MAP2: variants seen among roughly 807,000 people sequenced by gnomAD.
The protein encoded by MAP2 is microtubule-associated protein 2.
Under a neutral mutation model 137.6 loss-of-function variants are expected in MAP2, and 14 were observed. The ratio of observed to expected loss-of-function variants is 0.10; its 90% CI spans 0.07 to 0.16. The LOEUF is 0.16. Ranked by LOEUF, MAP2 falls within the 10% of genes least tolerant of loss-of-function variation. The pLI, the probability that MAP2 is intolerant of heterozygous loss-of-function variation, is 1.00. For synonymous variants in MAP2, 786 were observed against 782.3 expected (o/e 1.00, Z -0.08); for missense variants, 2,088 against 2,191.5 (o/e 0.95, Z 0.94).
intron 1 of MAP2, among the ~76,000 whole-genome samples, chr2:209,486,662 A>C (rs1290387728): frequency 6.6e-6 from 1 of 152,256 alleles, no homozygotes; most frequent in Non-Finnish European, 1.5e-5. Context: ...TTTAACCATC[A>C]TTTGTAATGT....
In MAP2 at chr2:209,564,583, AC is replaced by A. The variant is rs956152382; in HGVS notation, c.-171-15451del. Among the ~76,000 whole-genome samples, 8 of 143,584 alleles carry A rather than the reference AC, an allele frequency of 5.6e-5. 1 individual carries two copies. Among genetic ancestry groups the A allele is most frequent in the African/African-American group, 1.3e-4 (5 of 37,608 alleles). 94.2% of individuals were successfully genotyped at this position (143,584 alleles called of 152,430 possible). On this transcript the variant is annotated intron_variant, in intron 2 of 15. Coordinates refer to ENST00000682079, the MANE Select transcript of MAP2 (RefSeq NM_001375505.1). ...AAAAAAAAAAAAAAAAAAAAAAAAA[AC>A]CAAAAGCCAGGGGTAGCCACAACCT...
chr2:209,644,207 T>C (rs961031978), intron 4 of MAP2, among the ~76,000 whole-genome samples: 8 of 152,212 alleles, frequency 5.3e-5, no homozygotes, highest in Non-Finnish European at 1.2e-4. Flanking sequence ...TTTTAAAACA[T>C]TTTCTCCAAT....
Position 209,701,965 on chromosome 2 carries a change from T to G in MAP2, c.4584+1627T>G, listed in dbSNP as rs978384860. ...AAAATAAAGGGGAGGACAAAATTCCTGTCTCATGAGTTAGTTATAAAAATT... is the reference window on the plus strand; with the variant it reads ...AAAATAAAGGGGAGGACAAAATTCCGGTCTCATGAGTTAGTTATAAAAATT... On this transcript the variant is annotated intron_variant, in intron 11 of 15. Coordinates refer to ENST00000682079, the MANE Select transcript of MAP2 (RefSeq NM_001375505.1). Among the ~76,000 whole-genome samples, 2 of 152,118 alleles carry G rather than the reference T, an allele frequency of 1.3e-5. 1 individual carries two copies. Among genetic ancestry groups the G allele is most frequent in the South Asian group, 4.1e-4 (2 of 4,828 alleles).
chr2:209,554,629 A>C (rs901693757), intron 2 of MAP2, among the ~76,000 whole-genome samples: 6 of 152,192 alleles, frequency 3.9e-5, no homozygotes, highest in African/African-American at 4.8e-5. Flanking sequence ...CTCTACAAAA[A>C]TACAAAGCTA....
intron 1 of MAP2, among the ~76,000 whole-genome samples, chr2:209,500,053 T>G (rs1321866608): frequency 1.3e-5 from 2 of 152,152 alleles, no homozygotes; most frequent in African/African-American, 4.8e-5. Flanking sequence ...ATGGACACTG[T>G]CTCCACCTGA....
intron 13 of MAP2, among the ~76,000 whole-genome samples, chr2:209,723,070 G>A (rs902182614): frequency 1.3e-5 from 2 of 152,186 alleles, no homozygotes; most frequent in African/African-American, 2.4e-5. Context: ...AGATGAATGA[G>A]AACTCTGATG....
chr2:209,690,012 G>A (rs143964674), intron 7 of MAP2, among the ~76,000 whole-genome samples: 12 of 152,206 alleles, frequency 7.9e-5, no homozygotes, highest in African/African-American at 2.4e-4. Flanking sequence ...AGTAAATTTG[G>A]TGGACTTTGT....
chr2:209,481,713 T>G (rs1307989437), intron 1 of MAP2, among the ~76,000 whole-genome samples: 2 of 152,222 alleles, frequency 1.3e-5, no homozygotes, highest in East Asian at 1.9e-4. Flanking sequence ...TTAGGTCACT[T>G]AACTATGAAG....
At chr2:209,487,445 G>C (rs2058527643) in intron 1 of MAP2, among the ~76,000 whole-genome samples, 1 of 152,180 alleles carries the variant, frequency 6.6e-6, no homozygotes, top group South Asian at 2.1e-4. Context: ...TTTCCAAACT[G>C]GAGAAAATCT....
chr2:209,572,296 C>G (rs2074530784), intron 2 of MAP2, among the ~76,000 whole-genome samples: 1 of 152,014 alleles, frequency 6.6e-6, no homozygotes, highest in African/African-American at 2.4e-5. Context: ...GTGACTATGT[C>G]AAAGATGACC....
intron 6 of MAP2, among the ~76,000 whole-genome samples, chr2:209,680,203 C>T (rs1447972343): frequency 6.6e-6 from 1 of 152,074 alleles, no homozygotes; most frequent in Non-Finnish European, 1.5e-5. Flanking sequence ...TTTTCCATTT[C>T]TGAGAATACA....
At chr2:209,493,044 A>G (rs2150012871) in intron 1 of MAP2, among the ~76,000 whole-genome samples, 1 of 152,344 alleles carries the variant, frequency 6.6e-6, no homozygotes, top group Non-Finnish European at 1.5e-5. Flanking sequence ...ACAAGGCTAC[A>G]TTAACCAAAA....
intron 1 of MAP2, among the ~76,000 whole-genome samples, chr2:209,495,052 C>G (rs13025539): frequency 6.6e-6 from 1 of 152,176 alleles, no homozygotes; most frequent in African/African-American, 2.4e-5. Flanking sequence ...TAAAAGACAT[C>G]GGTAAACAAA....
intron 2 of MAP2, among the ~76,000 whole-genome samples, chr2:209,566,032 T>G (rs2073335315): frequency 6.6e-6 from 1 of 152,230 alleles, no homozygotes; most frequent in Admixed American, 6.5e-5. Context: ...TGTCTGTTTT[T>G]CATTCTCCCT....
intron 2 of MAP2, among the ~76,000 whole-genome samples, chr2:209,566,302 T>C (rs1352573653): frequency 6.6e-6 from 1 of 152,208 alleles, no homozygotes; most frequent in East Asian, 1.9e-4. Flanking sequence ...TGGTGAATAT[T>C]GACGCTGTTC....
chr2:209,471,449 T>A (rs1222020138), intron 1 of MAP2, among the ~76,000 whole-genome samples: 1 of 152,198 alleles, frequency 6.6e-6, no homozygotes, highest in Admixed American at 6.5e-5. Flanking sequence ...GCTATTGAAT[T>A]GTTAAATAAA....
chr2:209,693,553 A>T lies in MAP2; in HGVS notation c.1383A>T (p.Lys461Asn). Residue 461 changes from lysine (K) to asparagine (N), a missense_variant, in exon 8 of 16, where the codon AAA becomes AAT. Physicochemically the swap from Lys to Asn is moderately conservative, Grantham distance 94. Coordinates refer to ENST00000682079, the MANE Select transcript of MAP2 (RefSeq NM_001375505.1). ...SDKEAVPKES[K>N]PPKPADEEIG... ...AAGAAGCTGTGCCAAAAGAGAGTAA[A>T]CCCCCAAAACCTGCAGATGAAGAAA... 9 of 1,611,648 alleles carry T rather than the reference A, an allele frequency of 5.6e-6. No homozygotes were observed. The highest frequency in any genetic ancestry group is 7.6e-6 in the Non-Finnish European group (9 of 1,179,506).
chr2:209,678,490 C>T (rs2052992521), intron 5 of MAP2, 82 bp from the exon 6 acceptor site: 6 of 610,256 alleles, frequency 9.8e-6, no homozygotes, highest in East Asian at 3.0e-5. Context: ...AATTATAATC[C>T]ACTATACTGT....
chr2:209,587,863 A>G (rs2078165720), intron 3 of MAP2, among the ~76,000 whole-genome samples: 1 of 152,162 alleles, frequency 6.6e-6, no homozygotes, highest in South Asian at 2.1e-4. Context: ...TTGTATACTT[A>G]AACAGCCAAA....
Sources: gnomAD v4.1 joint callset for allele counts (sites outside exome capture counted in the v4.1 genomes callset) on GRCh38, gnomAD v4.1.1 for gene constraint, MANE v1.5 for transcripts, NCBI Gene and HGNC (gene_info 2026-07-23, HGNC 2026-07-21) for gene names.